Variants in PCDHA9 observed in about 807,000 individuals in gnomAD.
The protein encoded by PCDHA9 is protocadherin alpha 9, also known as protocadherin alpha-9.
PCDHA9 carries 62 observed loss-of-function variants against 62.0 expected under a neutral mutation model. The observed-to-expected ratio is 1.00, with a 90% CI of 0.81 to 1.23. PCDHA9 has a LOEUF of 1.23. Ranked by LOEUF, PCDHA9 falls within the 50% of genes most tolerant of loss-of-function variation. PCDHA9 has a pLI of 0.00. For missense variants in PCDHA9, 1,205 were observed against 1,249.8 expected (o/e 0.96, Z 0.54); for synonymous variants, 557 against 567.6 (o/e 0.98, Z 0.27).
chr5:140,877,700 G>A, intron 1 of PCDHA9: 1 of 1,613,996 alleles, frequency 6.2e-7, no homozygotes, highest in Non-Finnish European at 8.5e-7. Flanking sequence ...GTGTGCTCCA[G>A]CGCCGTGGGG....
At position 140,869,505 on chromosome 5, in the gene PCDHA9, G is replaced by A. The variant is rs376431150; in HGVS notation, c.2394+18616G>A. On this transcript the variant is annotated intron_variant, in intron 1 of 3. Coordinates refer to ENST00000532602, the MANE Select transcript of PCDHA9 (RefSeq NM_031857.2). ...TTAACGACAACCCGCCGGTGTTCTCGCTCAGAGAACAAAAGCTGCTGATTG... is the reference window on the plus strand; with the variant it reads ...TTAACGACAACCCGCCGGTGTTCTCACTCAGAGAACAAAAGCTGCTGATTG... 89 of 1,614,192 alleles carry A rather than the reference G, an allele frequency of 5.5e-5. No individual in the cohort carries two copies. In the African/African-American group the frequency reaches 1.1e-3, roughly 19 times the overall value.
intron 1 of PCDHA9, among the ~76,000 whole-genome samples, chr5:140,971,815 A>G (rs988959952): frequency 3.2e-4 from 49 of 152,166 alleles, no homozygotes; most frequent in African/African-American, 1.1e-3. Flanking sequence ...TATTGAATAC[A>G]TATATGATTT....
At chr5:140,898,956 T>C (rs1352076218) in intron 1 of PCDHA9, among the ~76,000 whole-genome samples, 4 of 152,130 alleles carry the variant, frequency 2.6e-5, no homozygotes, top group Admixed American at 2.6e-4. Context: ...GAAGCAGTTG[T>C]GAATGGGAGT....
At chr5:140,986,673 A>G (rs782404000) in intron 3 of PCDHA9, among the ~76,000 whole-genome samples, 2 of 152,168 alleles carry the variant, frequency 1.3e-5, no homozygotes. Context: ...TTTTCAGAAG[A>G]GTTCAGAAAG....
In PCDHA9 at chr5:140,848,916, T is replaced by C. The variant is rs1389389482; in HGVS notation, c.421T>C (p.Phe141Leu). 1 of 1,607,882 alleles carries C rather than the reference T, an allele frequency of 6.2e-7. No homozygotes were observed. Among genetic ancestry groups the C allele is most frequent in the South Asian group, 1.1e-5 (1 of 90,846 alleles). Reference sequence around the variant, plus strand: ...GTTCCCAGCGACACAAAAGAATCTGTTCATCGCGGAATCCAGGCCGCTTGA... The same window carrying C: ...GTTCCCAGCGACACAAAAGAATCTGCTCATCGCGGAATCCAGGCCGCTTGA... ...PVFPATQKNL[F>L]IAESRPLDSR... The change falls in exon 1 of 4, where the codon TTC (phenylalanine) becomes CTC (leucine). Residue 141 changes from phenylalanine (F) to leucine (L), a missense_variant. Physicochemically the swap from Phe to Leu is conservative, Grantham distance 22. Coordinates refer to ENST00000532602, the MANE Select transcript of PCDHA9 (RefSeq NM_031857.2).
chr5:140,848,454 G>T lies in PCDHA9; in HGVS notation c.-42G>T. 1 of 1,522,346 alleles carries T rather than the reference G, an allele frequency of 6.6e-7. No homozygotes were observed. The highest frequency in any genetic ancestry group is 8.9e-7 in the Non-Finnish European group (1 of 1,118,960). 94.3% of individuals were successfully genotyped at this position (1,522,346 alleles called of 1,614,324 possible). ...GAAATCAGATGATTTCTTCTAATTT[G>T]GAGGCAATTTTCACTAATTAGAAGA... is the stretch of plus-strand genomic sequence containing the variant. On this transcript the variant is annotated 5_prime_UTR_variant, in exon 1 of 4. Coordinates refer to ENST00000532602, the MANE Select transcript of PCDHA9 (RefSeq NM_031857.2).
At chr5:140,885,981 G>A (rs536900560) in intron 1 of PCDHA9, among the ~76,000 whole-genome samples, 44 of 151,942 alleles carry the variant, frequency 2.9e-4, no homozygotes, top group African/African-American at 8.4e-4. Context: ...TTATAGATTC[G>A]CATGTGGTTG....
chr5:140,918,918 C>T (rs1338973615), intron 1 of PCDHA9, among the ~76,000 whole-genome samples: 1 of 152,224 alleles, frequency 6.6e-6, no homozygotes, highest in Non-Finnish European at 1.5e-5. Context: ...ATTAACTACA[C>T]AGCATATGGC....
intron 1 of PCDHA9, among the ~76,000 whole-genome samples, chr5:140,900,485 C>T (rs577392455): frequency 6.6e-5 from 10 of 152,310 alleles, no homozygotes; most frequent in African/African-American, 2.2e-4. Flanking sequence ...CCATGTTGGT[C>T]AGACTGGTCT....
chr5:140,884,468 C>G, intron 1 of PCDHA9: 4 of 1,613,762 alleles, frequency 2.5e-6, no homozygotes, highest in Non-Finnish European at 3.4e-6. Context: ...CGCGTGCGCG[C>G]CGGGCAAGCC....
chr5:140,927,505 G>C, intron 1 of PCDHA9: 2 of 1,614,120 alleles, frequency 1.2e-6, no homozygotes, highest in Middle Eastern at 1.6e-4. Context: ...GGTGCTTACA[G>C]CTCGGGACGG....
rs149846721 is a variant in PCDHA9 at position 140,856,069 on chromosome 5, C to T, written c.2394+5180C>T. ...ATAAGATGGTTTCCAGATGTAGCTG[C>T]CTGGGGGTCCAGTGTCTGCTGCTCT... is the stretch of plus-strand genomic sequence containing the variant. On this transcript the variant is annotated intron_variant, in intron 1 of 3. Transcript: ENST00000532602. 2.1e-5 allele frequency: 33 copies of T among 1,591,484 alleles called. 2 individuals carry two copies. In the African/African-American group the frequency reaches 3.4e-4, roughly 16 times the overall value.
intron 1 of PCDHA9, among the ~76,000 whole-genome samples, chr5:140,958,399 T>C (rs1554223458): frequency 6.6e-6 from 1 of 152,178 alleles, no homozygotes; most frequent in African/African-American, 2.4e-5. Flanking sequence ...CATCAAACAT[T>C]ATCACTGATG....
chr5:140,853,428 C>A, intron 1 of PCDHA9: 1 of 985,626 alleles, frequency 1.0e-6, no homozygotes, highest in African/African-American at 1.8e-5. Flanking sequence ...AGAAGAGACA[C>A]TTTCCTATTT....
intron 1 of PCDHA9, chr5:140,884,171 C>A: frequency 6.2e-7 from 1 of 1,613,414 alleles, no homozygotes; most frequent in Non-Finnish European, 8.5e-7. Flanking sequence ...CAGCACGACG[C>A]GCCCTCTGGA....
rs782258990 is a variant in PCDHA9 at position 140,870,453 on chromosome 5, T to C, written c.2394+19564T>C. ...TGGAGGTGGCCGACGTGAACGACAATGCGCCTGCGTTCGCACAGCCCGAGT... is the reference window on the plus strand; with the variant it reads ...TGGAGGTGGCCGACGTGAACGACAACGCGCCTGCGTTCGCACAGCCCGAGT... On this transcript the variant is annotated intron_variant, in intron 1 of 3. Coordinates refer to ENST00000532602, the MANE Select transcript of PCDHA9 (RefSeq NM_031857.2). 10 of 1,614,138 alleles carry C rather than the reference T, an allele frequency of 6.2e-6. No homozygotes were observed. The Admixed American group carries it at 6.7e-5, about 11-fold the overall frequency.
At chr5:140,927,540 C>T (rs1376391756) in intron 1 of PCDHA9, 6 of 1,614,136 alleles carry the variant, frequency 3.7e-6, no homozygotes, top group African/African-American at 2.7e-5. Flanking sequence ...GCTCAGGAGA[C>T]GCACAAGTCA....
At chr5:140,957,531 G>A (rs2095365025) in intron 1 of PCDHA9, among the ~76,000 whole-genome samples, 1 of 152,080 alleles carries the variant, frequency 6.6e-6, no homozygotes, top group Non-Finnish European at 1.5e-5. Flanking sequence ...ATTCAGTGGG[G>A]ATCTTAGAAA....
intron 1 of PCDHA9, among the ~76,000 whole-genome samples, chr5:140,947,982 T>C (rs1178353293): frequency 1.3e-5 from 2 of 148,572 alleles, no homozygotes; most frequent in Admixed American, 1.3e-4. Flanking sequence ...CTCATAGGTT[T>C]TTCCCAAATA....
Sources: allele counts gnomAD v4.1 joint callset (sites outside exome capture counted in the v4.1 genomes callset), GRCh38; gene constraint gnomAD v4.1.1; transcripts MANE v1.5; gene names NCBI Gene and HGNC (gene_info 2026-07-23, HGNC 2026-07-21).